OR51A7: variants seen among roughly 807,000 people sequenced by gnomAD.
The protein encoded by OR51A7 is olfactory receptor family 51 subfamily A member 7.
For synonymous variants in OR51A7, 143 were observed against 135.5 expected (o/e 1.05, Z -0.38); for missense variants, 409 against 374.5 (o/e 1.09, Z -0.76).
In OR51A7 at chr11:4,908,342, A is replaced by C. The variant is rs762711747; in HGVS notation, c.*34A>C. On this transcript the variant is annotated 3_prime_UTR_variant, in exon 2 of 2. Coordinates refer to ENST00000641490, the MANE Select transcript of OR51A7 (RefSeq NM_001004749.2). Reference sequence around the variant, plus strand: ...ACAATTAGGTAATAAATTATCAACCAGTAGGCATTTACTGTCATTTGCTAT... The same window carrying C: ...ACAATTAGGTAATAAATTATCAACCCGTAGGCATTTACTGTCATTTGCTAT... 3.2e-6 allele frequency: 5 copies of C among 1,565,826 alleles called. No homozygotes were observed. In the South Asian group the frequency reaches 5.6e-5, roughly 17 times the overall value.
At chr11:4,905,478 C>T (rs1203849851) in intron 1 of OR51A7, among the ~76,000 whole-genome samples, 1 of 152,022 alleles carries the variant, frequency 6.6e-6, no homozygotes, top group African/African-American at 2.4e-5. Flanking sequence ...GTTAAGCTTC[C>T]ATATAAAGGA....
Position 4,908,843 on chromosome 11 carries a change from C to G in OR51A7, c.*535C>G, listed in dbSNP as rs1335896406. On this transcript the variant is annotated 3_prime_UTR_variant, in exon 2 of 2. Coordinates refer to ENST00000641490, the MANE Select transcript of OR51A7 (RefSeq NM_001004749.2). ...GGAGGTGTTGGAATGCCAATTTCTT[C>G]TCTACATGATAAATTTCATTTTAAG... 6.2e-6 allele frequency: 1 copy of G among 162,146 alleles called. No homozygotes were observed. The highest frequency in any genetic ancestry group is 2.4e-5 in the African/African-American group (1 of 41,452). 10.0% of individuals were successfully genotyped at this position (162,146 alleles called of 1,614,324 possible).
chr11:4,907,303 C>G (rs1850910493), intron 1 of OR51A7, 36 bp from the exon 2 acceptor site: 10 of 1,134,276 alleles, frequency 8.8e-6, no homozygotes, highest in Non-Finnish European at 1.3e-5. Flanking sequence ...GAGTTTTAAC[C>G]AAAAGCATGA....
chr11:4,908,359 A>G lies in OR51A7; in HGVS notation c.*51A>G. 6.8e-7 allele frequency: 1 copy of G among 1,468,800 alleles called. No homozygotes were observed. Among genetic ancestry groups the G allele is most frequent in the African/African-American group, 1.4e-5 (1 of 72,178 alleles). 91.0% of individuals were successfully genotyped at this position (1,468,800 alleles called of 1,614,324 possible). A position where few individuals can be genotyped will look rare whatever the true frequency, so the allele number is the denominator to read the frequency against. On this transcript the variant is annotated 3_prime_UTR_variant, in exon 2 of 2. Coordinates refer to ENST00000641490, the MANE Select transcript of OR51A7 (RefSeq NM_001004749.2). ...TATCAACCAGTAGGCATTTACTGTC[A>G]TTTGCTATGTGCTTAATGCCATAGA...
rs775584743 is a variant in OR51A7, at chr11:4,907,482, C to G, written c.113C>G (p.Ala38Gly). ...SIPICLMYLL[A>G]IMGNCTILFI... ...CCCATTTGCCTCATGTACCTGCTTG[C>G]CATCATGGGCAACTGCACCATTCTC... The change falls in exon 2 of 2, where the codon GCC becomes GGC. Residue 38 changes from alanine (A) to glycine (G), a missense_variant. Transcript: ENST00000641490. The G allele has an allele frequency of 6.2e-7, 1 of 1,613,884 alleles. No homozygotes were observed. Among genetic ancestry groups the G allele is most frequent in the South Asian group, 1.1e-5 (1 of 91,078 alleles).
intron 1 of OR51A7, 117 bp downstream of exon 1, chr11:4,903,961 G>T (rs908712995): frequency 6.6e-6 from 1 of 152,058 alleles, no homozygotes; most frequent in Non-Finnish European, 1.5e-5. Flanking sequence ...AAACAAGAAG[G>T]TTAAATATCG....
chr11:4,904,762 A>C (rs930558117), intron 1 of OR51A7, among the ~76,000 whole-genome samples: 1 of 151,832 alleles, frequency 6.6e-6, no homozygotes, highest in African/African-American at 2.4e-5. Context: ...CCAGAGAAAA[A>C]AAGGGAGAAA....
intron 1 of OR51A7, among the ~76,000 whole-genome samples, chr11:4,905,423 T>A (rs911977035): frequency 1.3e-5 from 2 of 152,140 alleles, no homozygotes; most frequent in Non-Finnish European, 2.9e-5. Context: ...ATGTACTTTT[T>A]TCAATTATCC....
rs1850944517 is a variant in OR51A7, at chr11:4,908,642, C to T, written c.*334C>T. On this transcript the variant is annotated 3_prime_UTR_variant, in exon 2 of 2. Coordinates refer to ENST00000641490, the MANE Select transcript of OR51A7 (RefSeq NM_001004749.2). ...ATTCAGTTAGTATCTATTAAAAATA[C>T]AGATGATATACAAAGTCTAATCTCA... The T allele has an allele frequency of 2.8e-6, 1 of 359,412 alleles. No homozygotes were observed. Among genetic ancestry groups the T allele is most frequent in the Non-Finnish European group, 5.2e-6 (1 of 190,630 alleles). The allele number at this position is 359,412 out of a possible 1,614,324, so 22.3% of individuals were successfully genotyped here. A position where few individuals can be genotyped will look rare whatever the true frequency, so the allele number is the denominator to read the frequency against.
At chr11:4,904,232 C>A (rs1169030431) in intron 1 of OR51A7, among the ~76,000 whole-genome samples, 1 of 152,088 alleles carries the variant, frequency 6.6e-6, no homozygotes, top group East Asian at 1.9e-4. Context: ...TACCACATTT[C>A]ACAGAAGAGC....
rs1850914215 is a variant in OR51A7, at chr11:4,907,443, T to C, written c.74T>C (p.Ile25Thr). ...ATCCCAGGACTGGAACATGCCCACA[T>C]TTGGTTCTCCATCCCCATTTGCCTC... Reference protein sequence around the residue: ...IGIPGLEHAHIWFSIPICLMY... With the variant: ...IGIPGLEHAHTWFSIPICLMY... The change falls in exon 2 of 2, where the codon ATT becomes ACT. Residue 25 changes from isoleucine (I) to threonine (T), a missense_variant. Coordinates refer to ENST00000641490, the MANE Select transcript of OR51A7 (RefSeq NM_001004749.2). 6.2e-7 allele frequency: 1 copy of C among 1,614,002 alleles called. No homozygotes were observed.
intron 1 of OR51A7, among the ~76,000 whole-genome samples, chr11:4,905,084 G>A (rs1349540619): frequency 1.3e-5 from 2 of 152,212 alleles, no homozygotes; most frequent in East Asian, 3.9e-4. Context: ...AAATAAAAAG[G>A]AATAAGAGTT....
chr11:4,903,971 G>A (rs970998244), intron 1 of OR51A7, 127 bp downstream of exon 1: 10 of 151,988 alleles, frequency 6.6e-5, no homozygotes, highest in South Asian at 4.1e-4. Context: ...GTTAAATATC[G>A]GGGTGTTTTT....
At position 4,903,858 on chromosome 11, in the gene OR51A7, C is replaced by T. The variant is rs1850840942; in HGVS notation, c.-32+14C>T. 6.6e-6 allele frequency: 1 copy of T among 152,148 alleles called. No individual in the cohort carries two copies. The highest frequency in any genetic ancestry group is 1.5e-5 in the Non-Finnish European group (1 of 67,938). 9.4% of individuals were successfully genotyped at this position (152,148 alleles called of 1,614,324 possible). On this transcript the variant is annotated intron_variant, in intron 1 of 1. Coordinates refer to ENST00000641490, the MANE Select transcript of OR51A7 (RefSeq NM_001004749.2). ...CCTAAATCTAAGGTTTGTTAAACTG[C>T]TTATATCTGAATACATGTCTATGGG...
rs1334780589 is a variant in OR51A7, at chr11:4,907,519, G to C, written c.150G>C (p.Lys50Asn). 6.2e-7 allele frequency: 1 copy of C among 1,613,952 alleles called. No homozygotes were observed. The highest frequency in any genetic ancestry group is 1.7e-5 in the Admixed American group (1 of 59,976). The stretch of plus-strand genomic sequence containing the variant: ...ACTGCACCATTCTCTTTATTATAAA[G>C]ACAGAGCCCTCGCTTCATGAGCCCA... ...MGNCTILFII[K>N]TEPSLHEPMY... The change falls in exon 2 of 2, where the codon AAG becomes AAC. Residue 50 changes from lysine (K) to asparagine (N), a missense_variant. Lys to Asn is a moderately conservative substitution (Grantham distance 94). Transcript: ENST00000641490.
chr11:4,904,354 TA>T (rs1850850419), intron 1 of OR51A7, among the ~76,000 whole-genome samples: 2 of 152,108 alleles, frequency 1.3e-5, no homozygotes, highest in Non-Finnish European at 2.9e-5. Context: ...CCTTAAAGAA[TA>T]GCAATTCTAA....
chr11:4,907,095 T>TAAAAAAAAAAAAAAAAAAAAAAAAAA (rs3065178), intron 1 of OR51A7, among the ~76,000 whole-genome samples: 4 of 55,120 alleles, frequency 7.3e-5, no homozygotes, highest in African/African-American at 2.6e-4. Flanking sequence ...AAACTCCCTC[T>TAAAAAAAAAAAAAAAAAAAAAAAAAA]AAAAAAAAAA....
chr11:4,908,454 A>G lies in OR51A7; in HGVS notation c.*146A>G. Reference sequence around the variant, plus strand: ...GTGCAGAATTTATAATAAAGTTGAGAATATAACTGAACAGGATAGAAAAAA... The same window carrying G: ...GTGCAGAATTTATAATAAAGTTGAGGATATAACTGAACAGGATAGAAAAAA... On this transcript the variant is annotated 3_prime_UTR_variant, in exon 2 of 2. Coordinates refer to ENST00000641490, the MANE Select transcript of OR51A7 (RefSeq NM_001004749.2). The G allele has an allele frequency of 2.7e-6, 2 of 728,494 alleles. No homozygotes were observed. The highest frequency in any genetic ancestry group is 1.8e-5 in the African/African-American group (1 of 56,954). 45.1% of individuals were successfully genotyped at this position (728,494 alleles called of 1,614,324 possible). A position where few individuals can be genotyped will look rare whatever the true frequency, so the allele number is the denominator to read the frequency against.
At chr11:4,905,778 T>C (rs1323756379) in intron 1 of OR51A7, among the ~76,000 whole-genome samples, 1 of 152,194 alleles carries the variant, frequency 6.6e-6, no homozygotes, top group African/African-American at 2.4e-5. Flanking sequence ...AATTTTTACC[T>C]GTTTACCTTG....
Sources: gnomAD v4.1 joint callset for allele counts (sites outside exome capture counted in the v4.1 genomes callset) on GRCh38, gnomAD v4.1.1 for gene constraint, MANE v1.5 for transcripts, NCBI Gene and HGNC (gene_info 2026-07-23, HGNC 2026-07-21) for gene names.